BMERB1: variants seen among roughly 807,000 people sequenced by gnomAD.
The protein encoded by BMERB1 is bMERB domain-containing protein 1.
Under a neutral mutation model 23.6 loss-of-function variants are expected in BMERB1, and 12 were observed. The ratio of observed to expected loss-of-function variants is 0.51; its 90% CI spans 0.33 to 0.82. The LOEUF (loss-of-function observed/expected upper bound fraction) is 0.82. Among genes scored for constraint, BMERB1 ranks in the 40% least tolerant of loss-of-function variants. The pLI is 0.03. For missense variants in BMERB1, 247 were observed against 255.4 expected (o/e 0.97, Z 0.22); for synonymous variants, 122 against 96.6 (o/e 1.26, Z -1.54).
In BMERB1 at chr16:15,434,679, C is replaced by G; in HGVS notation, c.26C>G (p.Thr9Ser). The G allele has an allele frequency of 1.9e-6, 3 of 1,614,048 alleles. No individual in the cohort carries two copies. Among genetic ancestry groups the G allele is most frequent in the Middle Eastern group, 1.6e-4 (1 of 6,062 alleles). Residue 9 changes from threonine (T) to serine (S), a missense_variant, in exon 1 of 6, where the codon ACC (threonine) becomes AGC (serine). Coordinates refer to ENST00000300006, the MANE Select transcript of BMERB1 (RefSeq NM_033201.3). ...ATGGAATTAAAGCAATCTTTGTCCA[C>G]CCATCTGGAAGCCGAGAAGCCTCTG... is the stretch of plus-strand genomic sequence containing the variant. MELKQSLS[T>S]HLEAEKPLRR... is the part of the protein sequence containing the mutation.
intron 1 of BMERB1, among the ~76,000 whole-genome samples, chr16:15,458,330 T>C (rs1324809105): frequency 2.0e-5 from 3 of 152,222 alleles, no homozygotes; most frequent in Non-Finnish European, 4.4e-5. Context: ...GAATTTATAG[T>C]ATCTACCACA....
intron 3 of BMERB1, among the ~76,000 whole-genome samples, chr16:15,575,416 T>C (rs2030833080): frequency 6.6e-6 from 1 of 152,238 alleles, no homozygotes; most frequent in African/African-American, 2.4e-5. Context: ...TATTGACTTT[T>C]CAAGGCTAGC....
intron 1 of BMERB1, among the ~76,000 whole-genome samples, chr16:15,505,744 CTGGTG>C (rs2051582275): frequency 6.6e-6 from 1 of 151,834 alleles, no homozygotes; most frequent in South Asian, 2.1e-4. Flanking sequence ...AAAAATTAGG[CTGGTG>C]TGGTGGTGGG....
chr16:15,538,798 G>A (rs1393301238), intron 2 of BMERB1, among the ~76,000 whole-genome samples: 1 of 152,160 alleles, frequency 6.6e-6, no homozygotes, highest in African/African-American at 2.4e-5. Flanking sequence ...GAAATTTCCA[G>A]TTCCTCTCCA....
intron 3 of BMERB1, among the ~76,000 whole-genome samples, chr16:15,572,420 C>T (rs553030306): frequency 1.3e-5 from 2 of 152,286 alleles, no homozygotes; most frequent in Admixed American, 6.5e-5. Context: ...AGTGAATAGA[C>T]TTTCCTAGTT....
chr16:15,436,109 G>C (rs2050885734), intron 1 of BMERB1, among the ~76,000 whole-genome samples: 1 of 151,992 alleles, frequency 6.6e-6, no homozygotes, highest in African/African-American at 2.4e-5. Flanking sequence ...TTTTGATACA[G>C]GCATACAATG....
intron 5 of BMERB1, chr16:15,584,107 T>C (rs2031082929): frequency 2.9e-6 from 2 of 700,290 alleles, no homozygotes; most frequent in South Asian, 3.0e-5. Context: ...GTTTGAGAAA[T>C]GCTGTTTACT....
chr16:15,552,566 G>A lies in BMERB1; in HGVS notation c.231-15417G>A, dbSNP rs139570119. ...ACTGCCAGGTAGCATCAGTGAGCAG[G>A]TGCAGGAAATCTGTTGGCCAACCTT... On this transcript the variant is annotated intron_variant, in intron 2 of 5. Transcript: ENST00000300006. Among the ~76,000 whole-genome samples, 316 of 152,350 alleles carry A rather than the reference G, an allele frequency of 2.1e-3. 2 individuals are homozygous for A. The highest frequency in any genetic ancestry group is 3.5e-3 in the Non-Finnish European group (239 of 68,040).
chr16:15,481,506 G>A (rs969333112), intron 1 of BMERB1, among the ~76,000 whole-genome samples: 4 of 151,806 alleles, frequency 2.6e-5, no homozygotes, highest in Admixed American at 6.6e-5. Flanking sequence ...CAACCTGGGC[G>A]ACAGAGTAAG....
intron 3 of BMERB1, among the ~76,000 whole-genome samples, chr16:15,568,744 C>T (rs1596400253): frequency 1.3e-5 from 2 of 152,264 alleles, no homozygotes; most frequent in South Asian, 2.1e-4. Flanking sequence ...TAAATATTAG[C>T]AATTATGACC....
intron 3 of BMERB1, among the ~76,000 whole-genome samples, chr16:15,579,532 A>G (rs1020110739): frequency 7.2e-5 from 11 of 152,240 alleles, no homozygotes; most frequent in African/African-American, 2.4e-4. Context: ...AAAATGATCA[A>G]CGTCAGTCGT....
chr16:15,455,323 CA>C lies in BMERB1; in HGVS notation c.106+20578del, dbSNP rs34467613. On this transcript the variant is annotated intron_variant, in intron 1 of 5. Transcript: ENST00000300006. ...TGGGCAACAAATGGAGACTCTGTCT[CA>C]AAAAAAAAAAAAAGAAAAGAAAAGA... Among the ~76,000 whole-genome samples the C allele has an allele frequency of 8.7e-3, 1,071 of 122,700 alleles. 9 individuals are homozygous for C. Among genetic ancestry groups the C allele is most frequent in the East Asian group, 0.028 (117 of 4,196 alleles). The allele number at this position is 122,700 out of a possible 152,430, so 80.5% of individuals were successfully genotyped here.
chr16:15,527,872 G>A (rs1002760223), intron 2 of BMERB1, among the ~76,000 whole-genome samples: 2 of 152,042 alleles, frequency 1.3e-5, no homozygotes, highest in African/African-American at 4.8e-5. Context: ...TCCAAAATTA[G>A]ACATCATTCT....
At chr16:15,547,724 C>T (rs1450441965) in intron 2 of BMERB1, among the ~76,000 whole-genome samples, 1 of 152,144 alleles carries the variant, frequency 6.6e-6, no homozygotes, top group African/African-American at 2.4e-5. Context: ...GTTAGTGAGA[C>T]CTGACCTGCC....
chr16:15,471,751 A>G (rs2051230965), intron 1 of BMERB1, among the ~76,000 whole-genome samples: 1 of 151,892 alleles, frequency 6.6e-6, no homozygotes, highest in Non-Finnish European at 1.5e-5. Flanking sequence ...ACGCCTGGCT[A>G]ATTTTTTGTA....
intron 5 of BMERB1, among the ~76,000 whole-genome samples, chr16:15,584,869 G>A (rs540812751): frequency 6.6e-5 from 10 of 152,208 alleles, no homozygotes; most frequent in African/African-American, 1.9e-4. Context: ...ATTCTCACCC[G>A]CCCTTCTGGG....
At chr16:15,511,740 G>A (rs1402216783) in intron 1 of BMERB1, among the ~76,000 whole-genome samples, 1 of 152,052 alleles carries the variant, frequency 6.6e-6, no homozygotes, top group Non-Finnish European at 1.5e-5. Context: ...GGCCAGGCAC[G>A]GTGGCTCGCG....
At chr16:15,449,327 A>G (rs6498554) in intron 1 of BMERB1, among the ~76,000 whole-genome samples, 150,496 of 152,266 alleles carry the variant, frequency 0.99, 74,402 homozygotes, top group Middle Eastern at 1. Context: ...ATTGGGTACA[A>G]ATGGACACAA....
intron 1 of BMERB1, among the ~76,000 whole-genome samples, chr16:15,452,333 A>AGAGAGGGAGGGG (rs746284226): frequency 7.2e-5 from 10 of 138,478 alleles, no homozygotes; most frequent in South Asian, 2.3e-4. Context: ...GGAGGGAGGG[A>AGAGAGGGAGGGG]GAGAGAGAGA....
Sources: allele counts gnomAD v4.1 joint callset (sites outside exome capture counted in the v4.1 genomes callset), GRCh38; gene constraint gnomAD v4.1.1; transcripts MANE v1.5; gene names NCBI Gene and HGNC (gene_info 2026-07-23, HGNC 2026-07-21).